ATXN10: variants seen among roughly 807,000 people sequenced by gnomAD.
ATXN10 encodes ataxin-10.
Under a neutral mutation model 52.9 loss-of-function variants are expected in ATXN10, and 28 were observed. That is an observed-to-expected ratio of 0.53 (90% CI 0.39 to 0.73). ATXN10 has a LOEUF of 0.73. Ranked by LOEUF, ATXN10 falls within the 30% of genes least tolerant of loss-of-function variation. ATXN10 has a pLI of 0.00. For missense variants in ATXN10, 565 were observed against 577.0 expected (o/e 0.98, Z 0.21); for synonymous variants, 226 against 221.5 (o/e 1.02, Z -0.18).
rs556239530 is a variant in ATXN10, at chr22:45,840,285, C to A, written c.1238-2706C>A. ...GGGGCTCCTGCCCTCGAGGAACTCA[C>A]AGACTCATAAGCAGATGAGTACAAT... is the stretch of plus-strand genomic sequence containing the variant. On this transcript the variant is annotated intron_variant, in intron 10 of 11. Transcript: ENST00000252934. The surrounding 1 kb of genome is among the most constrained non-coding windows in gnomAD (Gnocchi z 5.8). 6.6e-6 allele frequency among the ~76,000 whole-genome samples: 1 copy of A among 152,116 alleles called. No individual in the cohort carries two copies. The highest frequency in any genetic ancestry group is 1.5e-5 in the Non-Finnish European group (1 of 68,036).
intron 10 of ATXN10, among the ~76,000 whole-genome samples, chr22:45,807,672 G>A (rs1042435215): frequency 6.6e-6 from 1 of 152,228 alleles, no homozygotes; most frequent in Admixed American, 6.5e-5. Flanking sequence ...AAACTGTACA[G>A]TGGTGACTAA....
rs964395654 is a variant in ATXN10 at position 45,824,065 on chromosome 22, C to G, written c.1237+17043C>G. ...GGCACATGGTGGTACAGTGGGTATG[C>G]AGTAAGTTCTGGAGCAGGGACTTAC... On this transcript the variant is annotated intron_variant, in intron 10 of 11. Coordinates refer to ENST00000252934, the MANE Select transcript of ATXN10 (RefSeq NM_013236.4). The surrounding 1 kb of genome is among the most constrained non-coding windows in gnomAD (Gnocchi z 5.2). Among the ~76,000 whole-genome samples, 3 of 152,156 alleles carry G rather than the reference C, an allele frequency of 2.0e-5. No homozygotes were observed. The highest frequency in any genetic ancestry group is 7.2e-5 in the African/African-American group (3 of 41,438).
chr22:45,802,313 A>G (rs567996689), intron 9 of ATXN10, among the ~76,000 whole-genome samples: 2 of 152,348 alleles, frequency 1.3e-5, no homozygotes, highest in South Asian at 4.1e-4. Flanking sequence ...TAAAGAAACA[A>G]ACAACTTTCT....
intron 10 of ATXN10, among the ~76,000 whole-genome samples, chr22:45,815,929 A>G (rs1928444106): frequency 6.6e-6 from 1 of 152,158 alleles, no homozygotes; most frequent in South Asian, 2.1e-4. Context: ...CCTACTGAGC[A>G]TCTAGCACGT....
rs368043838 is a variant in ATXN10 at position 45,718,383 on chromosome 22, A to T, written c.648-30A>T. 1 of 1,559,588 alleles carries T rather than the reference A, an allele frequency of 6.4e-7. No individual in the cohort carries two copies. ...ATGTCTCTTTTACTATGTTTCAAGT[A>T]ACCAAACTTTCCTCCTCTTTTTTCC... is the stretch of plus-strand genomic sequence containing the variant. On this transcript the variant is annotated intron_variant, in intron 5 of 11. Coordinates refer to ENST00000252934, the MANE Select transcript of ATXN10 (RefSeq NM_013236.4). This position sits in a 1 kb window ranked among gnomAD's most constrained non-coding sequence, Gnocchi z 4.4.
chr22:45,697,350 G>A (rs565861007), intron 3 of ATXN10, among the ~76,000 whole-genome samples: 2 of 152,126 alleles, frequency 1.3e-5, no homozygotes, highest in Admixed American at 6.5e-5. Flanking sequence ...GGCCAGGCTG[G>A]TCTCGAACTC....
Position 45,819,190 on chromosome 22 carries a change from GAAAATAGAATAGAATAGAATAGAAT to G in ATXN10, c.1237+12170_1237+12194del, listed in dbSNP as rs1424994714. Among the ~76,000 whole-genome samples, 1 of 129,922 alleles carries G rather than the reference GAAAATAGAATAGAATAGAATAGAAT, an allele frequency of 7.7e-6. No individual in the cohort carries two copies. Among genetic ancestry groups the G allele is most frequent in the Non-Finnish European group, 1.7e-5 (1 of 60,420 alleles). The allele number at this position is 129,922 out of a possible 152,430, so 85.2% of individuals were successfully genotyped here. A position where few individuals can be genotyped will look rare whatever the true frequency, so the allele number is the denominator to read the frequency against. On this transcript the variant is annotated intron_variant, in intron 10 of 11. Transcript: ENST00000252934. This position sits in a 1 kb window ranked among gnomAD's most constrained non-coding sequence, Gnocchi z 4.5. ...TCTCTGTAGTATGAAGAATAGAATA[GAAAATAGAATAGAATAGAATAGAAT>G]AGAATAGAATAGAATAGAATAGAAT...
intron 10 of ATXN10, among the ~76,000 whole-genome samples, chr22:45,827,241 A>C (rs2146906127): frequency 6.6e-6 from 1 of 152,314 alleles, no homozygotes; most frequent in Non-Finnish European, 1.5e-5. Context: ...AATAAAAAGA[A>C]GACAATAATG....
intron 3 of ATXN10, among the ~76,000 whole-genome samples, chr22:45,698,517 G>A (rs1296689421): frequency 1.3e-5 from 2 of 152,164 alleles, no homozygotes; most frequent in Non-Finnish European, 2.9e-5. Flanking sequence ...AGATACTTGG[G>A]ATAATATTGA....
At position 45,820,721 on chromosome 22, in the gene ATXN10, G is replaced by A. The variant is rs60382576; in HGVS notation, c.1237+13699G>A. ...AGAAAAGATGTTGGACCCCGTGGCCGCAGGCATTGCCAGGGTGGTTTGCTT... is the reference window on the plus strand; with the variant it reads ...AGAAAAGATGTTGGACCCCGTGGCCACAGGCATTGCCAGGGTGGTTTGCTT... On this transcript the variant is annotated intron_variant, in intron 10 of 11. Transcript: ENST00000252934. This position sits in a 1 kb window ranked among gnomAD's most constrained non-coding sequence, Gnocchi z 4.9. 1.3e-5 allele frequency among the ~76,000 whole-genome samples: 2 copies of A among 152,200 alleles called. No homozygotes were observed. Among genetic ancestry groups the A allele is most frequent in the East Asian group, 1.9e-4 (1 of 5,196 alleles).
Position 45,712,782 on chromosome 22 carries a change from G to A in ATXN10, c.648-5631G>A, listed in dbSNP as rs900195175. Among the ~76,000 whole-genome samples the A allele has an allele frequency of 4.6e-5, 7 of 152,092 alleles. No individual in the cohort carries two copies. Among genetic ancestry groups the A allele is most frequent in the African/African-American group, 1.4e-4 (6 of 41,416 alleles). On this transcript the variant is annotated intron_variant, in intron 5 of 11. Transcript: ENST00000252934. The surrounding 1 kb of genome is among the most constrained non-coding windows in gnomAD (Gnocchi z 4.6). ...ATTTTTCTAGTTTAATGCTACTCACGTTTAACCCGTTGGAAATGTTATTTA... is the reference window on the plus strand; with the variant it reads ...ATTTTTCTAGTTTAATGCTACTCACATTTAACCCGTTGGAAATGTTATTTA...
At chr22:45,814,992 C>T (rs1928409390) in intron 10 of ATXN10, among the ~76,000 whole-genome samples, 2 of 152,192 alleles carry the variant, frequency 1.3e-5, no homozygotes, top group Non-Finnish European at 2.9e-5. Flanking sequence ...AAACAAGTCC[C>T]TGGTGCCAAA....
intron 9 of ATXN10, among the ~76,000 whole-genome samples, chr22:45,747,590 C>T (rs1414606702): frequency 6.6e-6 from 1 of 152,116 alleles, no homozygotes; most frequent in African/African-American, 2.4e-5. Context: ...ATTGGATCCA[C>T]GTGTGTGCTG....
chr22:45,783,203 A>G lies in ATXN10; in HGVS notation c.1174-23756A>G, dbSNP rs927314221. ...CCATGAACACGAGCACTGTGATACCATGGCAGAATGGCTGGGGAGCATAAA... is the reference window on the plus strand; with the variant it reads ...CCATGAACACGAGCACTGTGATACCGTGGCAGAATGGCTGGGGAGCATAAA... On this transcript the variant is annotated intron_variant, in intron 9 of 11. Coordinates refer to ENST00000252934, the MANE Select transcript of ATXN10 (RefSeq NM_013236.4). This position sits in a 1 kb window ranked among gnomAD's most constrained non-coding sequence, Gnocchi z 5.0. 1.5e-4 allele frequency among the ~76,000 whole-genome samples: 23 copies of G among 152,302 alleles called. No homozygotes were observed. Among genetic ancestry groups the G allele is most frequent in the African/African-American group, 5.3e-4 (22 of 41,560 alleles).
intron 10 of ATXN10, among the ~76,000 whole-genome samples, chr22:45,830,663 C>G (rs1461871662): frequency 6.6e-6 from 1 of 150,648 alleles, no homozygotes; most frequent in Non-Finnish European, 1.5e-5. Context: ...TACCACCTCA[C>G]ATCCATGAGG....
At chr22:45,676,141 C>A (rs1922679455) in intron 1 of ATXN10, 1 of 151,924 alleles carries the variant, frequency 6.6e-6, no homozygotes, top group Non-Finnish European at 1.5e-5. Context: ...GACAGGGCCT[C>A]ACTTTGTCAT....
At chr22:45,741,711 G>T (rs1359465380) in intron 9 of ATXN10, among the ~76,000 whole-genome samples, 1 of 152,146 alleles carries the variant, frequency 6.6e-6, no homozygotes, top group Non-Finnish European at 1.5e-5. Context: ...AAGGGATATA[G>T]GTCCTGCTTC....
At chr22:45,734,957 T>C (rs957353043) in intron 7 of ATXN10, among the ~76,000 whole-genome samples, 1 of 151,616 alleles carries the variant, frequency 6.6e-6, no homozygotes, top group Non-Finnish European at 1.5e-5. Flanking sequence ...TGGTCTTGGC[T>C]CACTGCAACC....
At chr22:45,815,304 AAGTC>A (rs1430672549) in intron 10 of ATXN10, among the ~76,000 whole-genome samples, 2 of 152,186 alleles carry the variant, frequency 1.3e-5, no homozygotes, top group Non-Finnish European at 2.9e-5. Context: ...ATGGTAATAG[AAGTC>A]AGAATAATAG....
Sources: gnomAD v4.1 joint callset for allele counts (sites outside exome capture counted in the v4.1 genomes callset) on GRCh38, gnomAD v4.1.1 for gene constraint, Gnocchi (gnomAD v3.1) non-coding constraint, MANE v1.5 for transcripts, NCBI Gene and HGNC (gene_info 2026-07-23, HGNC 2026-07-21) for gene names.